Variants in TCERG1L observed in about 807,000 individuals in gnomAD.
The protein encoded by TCERG1L is transcription elongation regulator 1-like protein.
TCERG1L carries 37 observed loss-of-function variants against 56.3 expected under a neutral mutation model. The observed-to-expected ratio is 0.66, with a 90% confidence interval of 0.51 to 0.87. TCERG1L has a LOEUF of 0.87. Ranked by LOEUF, TCERG1L falls within the 40% of genes least tolerant of loss-of-function variation. The pLI is 0.00. For synonymous variants in TCERG1L, 324 were observed against 326.3 expected, an observed-to-expected ratio of 0.99 and a Z score of 0.08; for missense variants, 799 against 774.2, an observed-to-expected ratio of 1.03 and a Z score of -0.38.
Position 131,093,179 on chromosome 10 carries a change from G to T in TCERG1L, c.1744C>A (p.Leu582Met). 6.2e-7 allele frequency: 1 copy of T among 1,613,696 alleles called. No individual in the cohort carries two copies. The highest frequency in any genetic ancestry group is 8.5e-7 in the Non-Finnish European group (1 of 1,179,796). The change falls in exon 12 of 12, where the codon CTG becomes ATG. Residue 582 changes from leucine (L) to methionine (M), a missense_variant. Leu to Met is a conservative substitution (Grantham distance 15). Coordinates refer to ENST00000368642, the MANE Select transcript of TCERG1L (RefSeq NM_174937.4). The stretch of plus-strand genomic sequence containing the variant: ...TCACAAACTCATCTCATTTTCCGCA[G>T]CCTTAGTCTGTTTTCCTTGTCCCGT... ...KKRDKENRLRLRKMR is the reference protein window; with the variant it reads ...KKRDKENRLRMRKMR
chr10:131,123,406 C>A (rs548103391), intron 8 of TCERG1L, among the ~76,000 whole-genome samples: 1 of 152,128 alleles, frequency 6.6e-6, no homozygotes, highest in Non-Finnish European at 1.5e-5. Flanking sequence ...AGGTGAGGAG[C>A]CCTGGGGGTA....
chr10:131,256,973 G>GA (rs796363742), intron 4 of TCERG1L, among the ~76,000 whole-genome samples: 2 of 67,214 alleles, frequency 3.0e-5, no homozygotes, highest in Non-Finnish European at 3.5e-5. Context: ...AGGAAGGAAG[G>GA]AAGGAAGGAA....
In TCERG1L at chr10:131,156,884, T is replaced by A. The variant is rs1000497163; in HGVS notation, c.1034+6238A>T. Among the ~76,000 whole-genome samples the A allele has an allele frequency of 3.3e-5, 5 of 152,330 alleles. No homozygotes were observed. The South Asian group carries it at 1.0e-3, about 32-fold the overall frequency. ...GCTCTTGAGACAGGCGTCTTGCCGA[T>A]GCCCCTGGCCGAATAAACCCCTTCC... On this transcript the variant is annotated intron_variant, in intron 6 of 11. Coordinates refer to ENST00000368642, the MANE Select transcript of TCERG1L (RefSeq NM_174937.4).
chr10:131,262,926 T>C (rs1846248430), intron 3 of TCERG1L, among the ~76,000 whole-genome samples: 1 of 152,106 alleles, frequency 6.6e-6, no homozygotes, highest in South Asian at 2.1e-4. Context: ...AAATACTATG[T>C]AGCCCTTTCA....
chr10:131,116,740 C>A, intron 9 of TCERG1L, 59 bp downstream of exon 9: 1 of 1,539,480 alleles, frequency 6.5e-7, no homozygotes, highest in Non-Finnish European at 8.7e-7. Flanking sequence ...GACGGCCACT[C>A]AGCTGCTGTT....
At chr10:131,278,372 C>T (rs1157955860) in intron 3 of TCERG1L, among the ~76,000 whole-genome samples, 15 of 145,434 alleles carry the variant, frequency 1.0e-4, no homozygotes, top group African/African-American at 3.3e-4. Flanking sequence ...GAGTCTTGCT[C>T]CGTCACCCAG....
At chr10:131,250,959 G>A (rs115423055) in intron 4 of TCERG1L, among the ~76,000 whole-genome samples, 1,890 of 152,126 alleles carry the variant, frequency 0.012, 44 homozygotes, top group African/African-American at 0.043. Context: ...TTTCACCACC[G>A]ACACTGGGCT....
chr10:131,138,584 T>C (rs1564799447), intron 7 of TCERG1L, among the ~76,000 whole-genome samples: 2 of 152,210 alleles, frequency 1.3e-5, no homozygotes, highest in South Asian at 2.1e-4. Flanking sequence ...AGATATTTGA[T>C]AGAAATCATC....
At chr10:131,254,035 C>T (rs760527148) in intron 4 of TCERG1L, among the ~76,000 whole-genome samples, 79 of 152,146 alleles carry the variant, frequency 5.2e-4, no homozygotes, top group Admixed American at 1.1e-3. Context: ...GGGCCACGTG[C>T]TGGAGCTGAG....
chr10:131,149,138 T>C (rs1209883341), intron 6 of TCERG1L, among the ~76,000 whole-genome samples: 1 of 152,202 alleles, frequency 6.6e-6, no homozygotes, highest in African/African-American at 2.4e-5. Flanking sequence ...GGGGGTGGAA[T>C]GGGAATTTGC....
chr10:131,148,471 TACACAG>T (rs1845825083), intron 6 of TCERG1L, among the ~76,000 whole-genome samples: 1 of 142,864 alleles, frequency 7.0e-6, no homozygotes, highest in African/African-American at 2.7e-5. Flanking sequence ...CACAGACACA[TACACAG>T]ACACATGCAC....
At chr10:131,189,120 T>C (rs1379098628) in intron 4 of TCERG1L, among the ~76,000 whole-genome samples, 1 of 152,240 alleles carries the variant, frequency 6.6e-6, no homozygotes, top group East Asian at 1.9e-4. Flanking sequence ...ATGTAGGTTT[T>C]TCTAGAAGTT....
At chr10:131,209,363 G>A (rs527918116) in intron 4 of TCERG1L, among the ~76,000 whole-genome samples, 172 of 152,270 alleles carry the variant, frequency 1.1e-3, no homozygotes, top group Non-Finnish European at 1.7e-3. Flanking sequence ...AAATAGAAAC[G>A]TGGACCACGT....
chr10:131,252,538 G>A (rs1255216037), intron 4 of TCERG1L, among the ~76,000 whole-genome samples: 1 of 152,122 alleles, frequency 6.6e-6, no homozygotes, highest in Non-Finnish European at 1.5e-5. Context: ...CCTAGGGCAC[G>A]GATTTCATTC....
At chr10:131,286,051 CATTTTAA>C (rs1306407147) in intron 3 of TCERG1L, among the ~76,000 whole-genome samples, 2 of 152,268 alleles carry the variant, frequency 1.3e-5, no homozygotes, top group Non-Finnish European at 2.9e-5. Context: ...AATATTTTAA[CATTTTAA>C]ATTTTAAAAA....
rs887366603 is a variant in TCERG1L at position 131,311,076 on chromosome 10, G to T, written c.342+218C>A. The stretch of plus-strand genomic sequence containing the variant: ...CTCCACGGCTCCGTCCAGACACCCG[G>T]AGGCACCTGCCAAAGCTGCGGAGGT... On this transcript the variant is annotated intron_variant, in intron 1 of 11. Transcript: ENST00000368642. The surrounding 1 kb of genome is among the most constrained non-coding windows in gnomAD (Gnocchi z 4.0). 1.3e-5 allele frequency among the ~76,000 whole-genome samples: 2 copies of T among 152,154 alleles called. No homozygotes were observed. The highest frequency in any genetic ancestry group is 4.8e-5 in the African/African-American group (2 of 41,454).
At chr10:131,148,607 G>C (rs1338264927) in intron 6 of TCERG1L, among the ~76,000 whole-genome samples, 1 of 151,030 alleles carries the variant, frequency 6.6e-6, no homozygotes, top group Admixed American at 6.6e-5. Flanking sequence ...TGCACACGTA[G>C]ACACACACAG....
chr10:131,210,790 A>C lies in TCERG1L; in HGVS notation c.857-43905T>G, dbSNP rs182211622. 3.7e-4 allele frequency among the ~76,000 whole-genome samples: 57 copies of C among 152,274 alleles called. No homozygotes were observed. The East Asian group carries it at 0.011, about 28-fold the overall frequency. ...TACAAACATATTTTGCTTATTAGTAATAAATTATATCTGCAGTCAATAACT... is the reference window on the plus strand; with the variant it reads ...TACAAACATATTTTGCTTATTAGTACTAAATTATATCTGCAGTCAATAACT... On this transcript the variant is annotated intron_variant, in intron 4 of 11. Coordinates refer to ENST00000368642, the MANE Select transcript of TCERG1L (RefSeq NM_174937.4).
intron 3 of TCERG1L, among the ~76,000 whole-genome samples, chr10:131,288,325 C>T (rs578220502): frequency 1.3e-5 from 2 of 152,334 alleles, no homozygotes; most frequent in African/African-American, 4.8e-5. Flanking sequence ...AAACCAACCC[C>T]ACAGTTTAAT....
Sources: allele counts gnomAD v4.1 joint callset (sites outside exome capture counted in the v4.1 genomes callset), GRCh38; gene constraint gnomAD v4.1.1; non-coding constraint Gnocchi (gnomAD v3.1); transcripts MANE v1.5; gene names NCBI Gene and HGNC (gene_info 2026-07-23, HGNC 2026-07-21).